HDAC9: variants seen among roughly 807,000 people sequenced by gnomAD.
HDAC9 encodes histone deacetylase 9, also known as MEF-2 interacting transcription repressor (MITR) protein.
HDAC9 carries 41 observed loss-of-function variants against 139.4 expected under a neutral mutation model. That is an observed-to-expected ratio of 0.29 (90% CI 0.23 to 0.38). The LOEUF is 0.38. HDAC9 is among the 10% of genes least tolerant of loss of function. HDAC9 has a pLI of 1.00. For missense variants in HDAC9, 1,147 were observed against 1,297.0 expected (o/e 0.88, Z 1.78); for synonymous variants, 517 against 476.2 (o/e 1.09, Z -1.12).
intron 22 of HDAC9, among the ~76,000 whole-genome samples, chr7:18,875,932 C>T (rs937254843): frequency 6.6e-5 from 10 of 152,252 alleles, no homozygotes; most frequent in African/African-American, 2.4e-4. Context: ...AAAGAAGGAA[C>T]TCTGGAAAAG....
chr7:18,866,047 A>G (rs1585182657), intron 21 of HDAC9, among the ~76,000 whole-genome samples: 1 of 148,850 alleles, frequency 6.7e-6, no homozygotes, highest in Non-Finnish European at 1.5e-5. Context: ...TTGAGTTTCC[A>G]CTCTTGTTCA....
chr7:18,592,456 T>C (rs565071605), intron 5 of HDAC9, among the ~76,000 whole-genome samples: 1 of 152,256 alleles, frequency 6.6e-6, no homozygotes, highest in African/African-American at 2.4e-5. Flanking sequence ...AATAAACTAA[T>C]AGATAATAGT....
At chr7:18,813,594 T>G (rs1452531678) in intron 17 of HDAC9, among the ~76,000 whole-genome samples, 3 of 152,172 alleles carry the variant, frequency 2.0e-5, no homozygotes, top group African/African-American at 7.2e-5. Context: ...ACTAAATACT[T>G]TCTGCACATC....
intron 6 of HDAC9, among the ~76,000 whole-genome samples, chr7:18,607,779 T>C (rs1835933311): frequency 1.3e-5 from 2 of 152,022 alleles, no homozygotes; most frequent in South Asian, 2.1e-4. Flanking sequence ...GAAGGAAATA[T>C]ATAATTGCAT....
intron 13 of HDAC9, among the ~76,000 whole-genome samples, chr7:18,740,821 T>C (rs1002664497): frequency 6.6e-5 from 10 of 152,192 alleles, no homozygotes; most frequent in African/African-American, 1.4e-4. Flanking sequence ...AAATTAAAAG[T>C]GTTACTGTAG....
chr7:18,148,444 C>G lies in HDAC9; in HGVS notation c.-96-13785C>G, dbSNP rs531161868. ...TTCTGCCTGACTGTATTCTGCCTCT[C>G]CCTTCTACTTTATTTATTTATTTAT... On this transcript the variant is annotated intron_variant, in intron 1 of 12. Coordinates refer to the HDAC9 transcript ENST00000417496. Among the ~76,000 whole-genome samples, 51 of 152,212 alleles carry G rather than the reference C, an allele frequency of 3.4e-4. 1 individual carries two copies. Among genetic ancestry groups the G allele is most frequent in the African/African-American group, 1.2e-3 (51 of 41,538 alleles).
intron 2 of HDAC9, among the ~76,000 whole-genome samples, chr7:18,176,163 C>T (rs763653313): frequency 6.6e-6 from 1 of 152,094 alleles, no homozygotes; most frequent in Non-Finnish European, 1.5e-5. Flanking sequence ...GTTTTGGACT[C>T]TCTAGGAATG....
intron 2 of HDAC9, among the ~76,000 whole-genome samples, chr7:18,170,680 C>T (rs566878018): frequency 6.6e-6 from 1 of 152,128 alleles, no homozygotes; most frequent in Non-Finnish European, 1.5e-5. Flanking sequence ...GCCAGTTTTC[C>T]CAGCACCATT....
chr7:18,286,850 G>C (rs1158806843), upstream of HDAC9, among the ~76,000 whole-genome samples: 3 of 152,040 alleles, frequency 2.0e-5, no homozygotes, highest in African/African-American at 7.2e-5. Flanking sequence ...TAGAACACTA[G>C]GTCTTTTTAA....
intron 1 of HDAC9, among the ~76,000 whole-genome samples, chr7:18,136,102 T>A (rs1396282802): frequency 6.6e-6 from 1 of 150,532 alleles, no homozygotes; most frequent in African/African-American, 2.5e-5. Context: ...AAATGTCTTC[T>A]TTTGAGAAGT....
chr7:18,623,611 GA>G (rs910563040), intron 6 of HDAC9, among the ~76,000 whole-genome samples: 1 of 152,114 alleles, frequency 6.6e-6, no homozygotes, highest in African/African-American at 2.4e-5. Flanking sequence ...TCACAGAGAT[GA>G]AATCACTCAT....
intron 25 of HDAC9, 93 bp downstream of exon 25, chr7:18,976,046 G>C: frequency 3.0e-6 from 4 of 1,319,286 alleles, no homozygotes; most frequent in South Asian, 2.8e-5. Context: ...TCCTTCACCT[G>C]TCTCCTCCAC....
intron 24 of HDAC9, among the ~76,000 whole-genome samples, chr7:18,954,537 T>C (rs1783017632): frequency 6.6e-6 from 1 of 151,496 alleles, no homozygotes; most frequent in Non-Finnish European, 1.5e-5. Context: ...GATTTTGTAA[T>C]CCAATCTTAA....
In HDAC9 at chr7:18,597,690, AGTTTTACCCTCCATTATATTATTGAG is replaced by A. The variant is rs965946738; in HGVS notation, c.664+3671_664+3696del. ...AAAATATTGTGATAAAATTTCTAGA[AGTTTTACCCTCCATTATATTATTGAG>A]GTTTTACCCAATGAACTTTGCCTTT... On this transcript the variant is annotated intron_variant, in intron 6 of 25. Coordinates refer to ENST00000686413, the MANE Select transcript of HDAC9 (RefSeq NM_178425.4). Among the ~76,000 whole-genome samples the A allele has an allele frequency of 9.2e-5, 14 of 152,116 alleles. No individual in the cohort carries two copies. The East Asian group carries it at 9.6e-4, about 10-fold the overall frequency.
intron 17 of HDAC9, among the ~76,000 whole-genome samples, chr7:18,798,308 C>A (rs1255744016): frequency 6.6e-6 from 1 of 152,066 alleles, no homozygotes; most frequent in Non-Finnish European, 1.5e-5. Flanking sequence ...ATAAAACAGG[C>A]AAAATGTGTC....
intron 11 of HDAC9, among the ~76,000 whole-genome samples, chr7:18,655,988 G>T (rs1375232307): frequency 6.6e-6 from 1 of 151,452 alleles, no homozygotes; most frequent in Non-Finnish European, 1.5e-5. Context: ...TCTTGCTAAG[G>T]AATTTTTAAT....
chr7:18,747,806 C>G (rs1268972262), intron 13 of HDAC9, among the ~76,000 whole-genome samples: 2 of 152,150 alleles, frequency 1.3e-5, no homozygotes, highest in Non-Finnish European at 2.9e-5. Context: ...ATGCAGGTGC[C>G]ATTCTTCTGC....
At chr7:18,517,133 C>T (rs1803474104) in intron 2 of HDAC9, among the ~76,000 whole-genome samples, 1 of 152,120 alleles carries the variant, frequency 6.6e-6, no homozygotes, top group Admixed American at 6.6e-5. Flanking sequence ...TGATCTCACA[C>T]ATTGACAGAT....
At chr7:18,176,791 T>G (rs1463306267) in intron 2 of HDAC9, among the ~76,000 whole-genome samples, 2 of 152,226 alleles carry the variant, frequency 1.3e-5, no homozygotes, top group Admixed American at 6.5e-5. Context: ...TTTTATCCTT[T>G]TGTCTGTATT....
Sources: gnomAD v4.1 joint callset for allele counts (sites outside exome capture counted in the v4.1 genomes callset) on GRCh38, gnomAD v4.1.1 for gene constraint, MANE v1.5 for transcripts, NCBI Gene and HGNC (gene_info 2026-07-23, HGNC 2026-07-21) for gene names.